Variants in DNAH11 observed in about 807,000 individuals in gnomAD.
The protein encoded by DNAH11 is axonemal beta dynein heavy chain 11.
Under a neutral mutation model 526.0 loss-of-function variants are expected in DNAH11, and 442 were observed. That is an observed-to-expected ratio of 0.84 (90% confidence interval 0.78 to 0.91). The LOEUF is 0.91. DNAH11 is among the 40% of genes least tolerant of loss of function. The pLI is 0.00. For missense variants in DNAH11, 6,989 were observed against 5,448.7 expected, an observed-to-expected ratio of 1.28 and a Z score of -8.90; for synonymous variants, 2,461 against 1,935.9, an observed-to-expected ratio of 1.27 and a Z score of -7.12.
At chr7:21,804,504 A>G (rs1583714604) in intron 62 of DNAH11, among the ~76,000 whole-genome samples, 2 of 152,234 alleles carry the variant, frequency 1.3e-5, no homozygotes, top group Admixed American at 6.5e-5. Context: ...ATAGTTCATT[A>G]TGCAAAAACT....
chr7:21,900,624 T>TTTCAGTTTAAAGC (rs1404257129), intron 81 of DNAH11, among the ~76,000 whole-genome samples: 1 of 152,180 alleles, frequency 6.6e-6, no homozygotes, highest in Non-Finnish European at 1.5e-5. Context: ...GATGTTCCTT[T>TTTCAGTTTAAAGC]TTCAGTTTAA....
chr7:21,833,725 A>G (rs1781880814), intron 65 of DNAH11, among the ~76,000 whole-genome samples: 1 of 152,028 alleles, frequency 6.6e-6, no homozygotes, highest in African/African-American at 2.4e-5. Flanking sequence ...AAATAAATAA[A>G]ATAAAAAATC....
At chr7:21,546,205 C>T (rs1329495151) in intron 2 of DNAH11, among the ~76,000 whole-genome samples, 2 of 131,382 alleles carry the variant, frequency 1.5e-5, no homozygotes, top group East Asian at 2.4e-4. Context: ...TTTTGAGTCT[C>T]TTCTTCTGTC....
At chr7:21,690,643 A>C (rs2128474912) in intron 34 of DNAH11, 122 bp from the exon 35 acceptor site, 1 of 696,260 alleles carries the variant, frequency 1.4e-6, no homozygotes, top group East Asian at 2.8e-5. Context: ...ATGAATTTTA[A>C]AGAAAATTAC....
intron 55 of DNAH11, among the ~76,000 whole-genome samples, chr7:21,766,675 C>T (rs929625092): frequency 6.7e-6 from 1 of 150,372 alleles, no homozygotes; most frequent in Non-Finnish European, 1.5e-5. Context: ...ATGCAGCTAG[C>T]TTTATTGTTC....
At chr7:21,614,576 T>A (rs1298515286) in intron 20 of DNAH11, among the ~76,000 whole-genome samples, 1 of 152,230 alleles carries the variant, frequency 6.6e-6, no homozygotes, top group Non-Finnish European at 1.5e-5. Flanking sequence ...GGGTATATAA[T>A]TGAACCTTGA....
At chr7:21,649,055 T>C (rs1285983804) in intron 28 of DNAH11, among the ~76,000 whole-genome samples, 1 of 152,184 alleles carries the variant, frequency 6.6e-6, no homozygotes, top group African/African-American at 2.4e-5. Flanking sequence ...ATTGTTGATA[T>C]GATTTGGGAT....
chr7:21,613,678 G>C (rs539354371), intron 20 of DNAH11, among the ~76,000 whole-genome samples: 2 of 152,154 alleles, frequency 1.3e-5, no homozygotes, highest in Non-Finnish European at 2.9e-5. Flanking sequence ...TAGATTTTAA[G>C]TGTTCTCACC....
intron 14 of DNAH11, among the ~76,000 whole-genome samples, chr7:21,597,788 G>C (rs1369798766): frequency 6.6e-6 from 1 of 152,196 alleles, no homozygotes; most frequent in African/African-American, 2.4e-5. Context: ...ATATCTTTAA[G>C]ATGAGGAGAC....
At chr7:21,681,516 C>T in intron 30 of DNAH11, 30 bp from the exon 31 acceptor site, 3 of 1,605,558 alleles carry the variant, frequency 1.9e-6, no homozygotes, top group Non-Finnish European at 1.7e-6. Context: ...TGTAACCCTT[C>T]TCTCCTTTTT....
intron 45 of DNAH11, among the ~76,000 whole-genome samples, chr7:21,733,220 G>C (rs73275646): frequency 0.14 from 20,978 of 152,150 alleles, 1,743 homozygotes; most frequent in African/African-American, 0.23. Flanking sequence ...AACCTCTTCT[G>C]TACTAAAAAT....
At chr7:21,827,725 GT>G (rs1280501505) in intron 65 of DNAH11, among the ~76,000 whole-genome samples, 3 of 152,058 alleles carry the variant, frequency 2.0e-5, no homozygotes, top group Admixed American at 2.0e-4. Context: ...TTTCCTGAAA[GT>G]TATGCTAAGA....
chr7:21,856,785 T>TA (rs61539695), intron 68 of DNAH11, among the ~76,000 whole-genome samples: 11 of 150,932 alleles, frequency 7.3e-5, no homozygotes, highest in East Asian at 3.9e-4. Flanking sequence ...ACAAATGAGT[T>TA]AAAAAAAAAA....
At chr7:21,672,562 C>G (rs920938730) in intron 30 of DNAH11, among the ~76,000 whole-genome samples, 2 of 152,206 alleles carry the variant, frequency 1.3e-5, no homozygotes, top group African/African-American at 4.8e-5. Flanking sequence ...ACTGGGGTTA[C>G]AGGCATGAGC....
At chr7:21,559,056 G>C in intron 3 of DNAH11, 58 bp downstream of exon 3, 2 of 1,447,206 alleles carry the variant, frequency 1.4e-6, no homozygotes, top group East Asian at 5.0e-5. Flanking sequence ...CCAGCACGGT[G>C]GCTCATGCCT....
At chr7:21,679,345 C>T (rs1337799197) in intron 30 of DNAH11, among the ~76,000 whole-genome samples, 2 of 152,150 alleles carry the variant, frequency 1.3e-5, no homozygotes, top group African/African-American at 4.8e-5. Flanking sequence ...TTAATAATAA[C>T]GTAGTGTATA....
chr7:21,886,260 A>C lies in DNAH11; in HGVS notation c.12507+1850A>C, dbSNP rs182328550. On this transcript the variant is annotated intron_variant, in intron 76 of 81. Transcript: ENST00000409508. ...ATCAGTCTAATATTTAGTGTATATT[A>C]GATTAAATCACTAAAATCATATTAG... Among the ~76,000 whole-genome samples, 514 of 152,308 alleles carry C rather than the reference A, an allele frequency of 3.4e-3. 2 individuals carry two copies. The Middle Eastern group carries it at 0.034, about 10-fold the overall frequency.
chr7:21,711,303 T>C (rs1259721826), intron 41 of DNAH11, among the ~76,000 whole-genome samples: 1 of 152,196 alleles, frequency 6.6e-6, no homozygotes, highest in Non-Finnish European at 1.5e-5. Context: ...TACTGCTTAC[T>C]CAACTGAGAC....
rs566490774 is a variant in DNAH11 at position 21,773,913 on chromosome 7, C to A, written c.9250C>A (p.Leu3084Met). The A allele has an allele frequency of 1.1e-4, 174 of 1,599,970 alleles. 1 individual carries two copies. In the South Asian group the frequency reaches 1.8e-3, roughly 16 times the overall value. ...FLEQISLFKN[L>M]LKKKQNEVSE... ...AGAACAAATATCACTGTTTAAGAAC[C>A]TGTTGAAGAAGAAGCAAAATGAGGT... is the stretch of plus-strand genomic sequence containing the variant. Residue 3084 changes from leucine (L) to methionine (M), a missense_variant, in exon 56 of 82, where the codon CTG becomes ATG. Coordinates refer to ENST00000409508, the MANE Select transcript of DNAH11 (RefSeq NM_001277115.2).
Sources: allele counts gnomAD v4.1 joint callset (sites outside exome capture counted in the v4.1 genomes callset), GRCh38; gene constraint gnomAD v4.1.1; transcripts MANE v1.5; gene names NCBI Gene and HGNC (gene_info 2026-07-23, HGNC 2026-07-21).